The following ARL15 variants were observed in gnomAD, a reference collection of about 807,000 sequenced individuals.
The protein encoded by ARL15 is ADP-ribosylation factor-like protein 15.
A neutral mutation model predicts 25.2 loss-of-function variants in ARL15; 19 were observed. The ratio of observed to expected loss-of-function variants is 0.75; its 90% CI spans 0.53 to 1.10. The LOEUF (loss-of-function observed/expected upper bound fraction) is 1.10, where lower values mean the gene tolerates loss of function less well. Ranked by LOEUF, ARL15 falls within the 50% of genes least tolerant of loss-of-function variation. The pLI is 0.00. For missense variants in ARL15, 220 were observed against 246.0 expected (o/e 0.89, Z 0.71); for synonymous variants, 94 against 86.8 (o/e 1.08, Z -0.46).
chr5:53,931,235 G>A (rs948258438), intron 4 of ARL15, among the ~76,000 whole-genome samples: 3 of 152,086 alleles, frequency 2.0e-5, no homozygotes, highest in African/African-American at 4.8e-5. Flanking sequence ...AACCAGGGTC[G>A]CTGCTCCTAG....
chr5:53,952,186 C>T (rs531203553), intron 4 of ARL15, among the ~76,000 whole-genome samples: 10 of 152,088 alleles, frequency 6.6e-5, no homozygotes, highest in East Asian at 3.9e-4. Flanking sequence ...TGCTTGAACC[C>T]GGGAGGCAGA....
chr5:54,210,655 T>C lies in ARL15; in HGVS notation c.49-38727A>G, dbSNP rs530915411. Among the ~76,000 whole-genome samples, 15 of 152,340 alleles carry C rather than the reference T, an allele frequency of 9.8e-5. No homozygotes were observed. The East Asian group carries it at 1.3e-3, about 14-fold the overall frequency. On this transcript the variant is annotated intron_variant, in intron 1 of 4. Coordinates refer to ENST00000504924, the MANE Select transcript of ARL15 (RefSeq NM_019087.3). The stretch of plus-strand genomic sequence containing the variant: ...AAAGGGCCATTCTGACTAAAGTATG[T>C]TGATTTTCCAAAGGAAGTTTTGTTG...
intron 3 of ARL15, among the ~76,000 whole-genome samples, chr5:54,148,857 C>T (rs952646094): frequency 1.3e-5 from 2 of 152,192 alleles, no homozygotes; most frequent in African/African-American, 2.4e-5. Context: ...TAAATAATAA[C>T]ACACCAAACA....
chr5:54,039,405 A>C (rs1194016284), intron 4 of ARL15, among the ~76,000 whole-genome samples: 1 of 152,234 alleles, frequency 6.6e-6, no homozygotes, highest in Non-Finnish European at 1.5e-5. Flanking sequence ...TTATATTTCT[A>C]TCACTCACTT....
chr5:53,964,086 C>G (rs765018857), intron 4 of ARL15, among the ~76,000 whole-genome samples: 21 of 152,084 alleles, frequency 1.4e-4, no homozygotes, highest in Non-Finnish European at 2.1e-4. Flanking sequence ...AATACTGAAG[C>G]CTTTTTCCCC....
intron 4 of ARL15, among the ~76,000 whole-genome samples, chr5:54,102,014 G>GTT (rs1322800869): frequency 2.5e-5 from 1 of 40,014 alleles, no homozygotes; most frequent in African/African-American, 1.7e-4. Context: ...TTTATTTTTT[G>GTT]TTTTGTTTTT....
chr5:54,159,927 C>G (rs1229558146), intron 2 of ARL15, among the ~76,000 whole-genome samples: 1 of 152,216 alleles, frequency 6.6e-6, no homozygotes, highest in African/African-American at 2.4e-5. Flanking sequence ...GAAGGTTAGT[C>G]TATTTTTATT....
chr5:54,190,627 G>A (rs1448872531), intron 1 of ARL15, among the ~76,000 whole-genome samples: 2 of 152,086 alleles, frequency 1.3e-5, no homozygotes, highest in Non-Finnish European at 2.9e-5. Flanking sequence ...CTAGTTTCCT[G>A]GAAGCATTGG....
At chr5:53,948,266 G>T (rs766917901) in intron 4 of ARL15, among the ~76,000 whole-genome samples, 1 of 152,180 alleles carries the variant, frequency 6.6e-6, no homozygotes, top group Non-Finnish European at 1.5e-5. Flanking sequence ...ACTGTAGTAG[G>T]TTCCTTAACA....
intron 1 of ARL15, among the ~76,000 whole-genome samples, chr5:54,222,495 T>C (rs1214358004): frequency 6.6e-6 from 1 of 152,230 alleles, no homozygotes; most frequent in Non-Finnish European, 1.5e-5. Context: ...TTCTAGGAGC[T>C]TCTCGTCTAG....
rs552908191 is a variant in ARL15 at position 53,954,625 on chromosome 5, T to C, written c.463-67912A>G. Among the ~76,000 whole-genome samples the C allele has an allele frequency of 2.6e-5, 4 of 152,312 alleles. No homozygotes were observed. The South Asian group carries it at 6.2e-4, about 24-fold the overall frequency. ...TCATATTCAACTTTAAGAACTCATG[T>C]AAACAGGTTAGGTTATTGAGAATCC... On this transcript the variant is annotated intron_variant, in intron 4 of 4. Coordinates refer to ENST00000504924, the MANE Select transcript of ARL15 (RefSeq NM_019087.3).
intron 4 of ARL15, among the ~76,000 whole-genome samples, chr5:54,044,460 G>T (rs554560125): frequency 1.3e-5 from 2 of 152,154 alleles, no homozygotes; most frequent in South Asian, 4.2e-4. Context: ...GGCCAAGCCG[G>T]TCTCAAACTC....
chr5:54,153,565 A>T (rs1361492285), intron 3 of ARL15, among the ~76,000 whole-genome samples: 1 of 152,190 alleles, frequency 6.6e-6, no homozygotes, highest in Non-Finnish European at 1.5e-5. Flanking sequence ...CAAATGTCTT[A>T]AAGAAAAATC....
intron 4 of ARL15, among the ~76,000 whole-genome samples, chr5:54,057,898 C>T (rs1750927809): frequency 6.6e-6 from 1 of 151,976 alleles, no homozygotes; most frequent in South Asian, 2.1e-4. Flanking sequence ...CACAAATAAT[C>T]CCAATAATTT....
chr5:54,088,925 G>C (rs1752054977), intron 4 of ARL15, among the ~76,000 whole-genome samples: 1 of 152,162 alleles, frequency 6.6e-6, no homozygotes, highest in Admixed American at 6.5e-5. Flanking sequence ...TATTGGCTGG[G>C]AACAAAGTAG....
At chr5:54,134,468 C>T (rs1389145232) in intron 3 of ARL15, among the ~76,000 whole-genome samples, 1 of 150,596 alleles carries the variant, frequency 6.6e-6, no homozygotes. Context: ...CAGCACTTCA[C>T]ACGTAACTCT....
In ARL15 at chr5:54,029,317, C is replaced by CCAACAA. The variant is rs1308011496; in HGVS notation, c.462+83884_462+83885insTTGTTG. On this transcript the variant is annotated intron_variant, in intron 4 of 4. Transcript: ENST00000504924. ...TTTATAAAAACAGTTACCACCACCACCACCACCACCACCACTACCACCACC... is the reference window on the plus strand; with the variant it reads ...TTTATAAAAACAGTTACCACCACCACCAACAACACCACCACCACCACTACCACCACC... Among the ~76,000 whole-genome samples, 3 of 119,090 alleles carry CCAACAA rather than the reference C, an allele frequency of 2.5e-5. No homozygotes were observed. In the Admixed American group the frequency reaches 2.5e-4, roughly 10 times the overall value. The allele number at this position is 119,090 out of a possible 152,430, so 78.1% of individuals were successfully genotyped here. A position where few individuals can be genotyped will look rare whatever the true frequency, so the allele number is the denominator to read the frequency against.
intron 4 of ARL15, among the ~76,000 whole-genome samples, chr5:54,081,525 A>G (rs1464315335): frequency 1.3e-5 from 2 of 152,098 alleles, no homozygotes; most frequent in Non-Finnish European, 2.9e-5. Context: ...CAAGGGAGAG[A>G]CCAGGTGCAG....
chr5:54,161,998 T>TACACACACACAC lies in ARL15; in HGVS notation c.194-7371_194-7360dup, dbSNP rs3839223. Among the ~76,000 whole-genome samples the TACACACACACAC allele has an allele frequency of 3.4e-3, 491 of 144,662 alleles. 3 individuals are homozygous for TACACACACACAC. The highest frequency in any genetic ancestry group is 0.012 in the African/African-American group (468 of 39,676). 94.9% of individuals were successfully genotyped at this position (144,662 alleles called of 152,430 possible). A position where few individuals can be genotyped will look rare whatever the true frequency, so the allele number is the denominator to read the frequency against. On this transcript the variant is annotated intron_variant, in intron 2 of 4. Coordinates refer to ENST00000504924, the MANE Select transcript of ARL15 (RefSeq NM_019087.3). ...GTTCTTCTTTACTTACACACACACA[T>TACACACACACAC]ACACACACACACACACACACACACA...
Sources: gnomAD v4.1 joint callset for allele counts (sites outside exome capture counted in the v4.1 genomes callset) on GRCh38, gnomAD v4.1.1 for gene constraint, MANE v1.5 for transcripts, NCBI Gene and HGNC (gene_info 2026-07-23, HGNC 2026-07-21) for gene names.